The following NXPH2 variants were observed in gnomAD, a reference collection of about 807,000 sequenced individuals.
NXPH2 encodes the protein neurexophilin 2.
Under a neutral mutation model 19.8 loss-of-function variants are expected in NXPH2, and 5 were observed. The ratio of observed to expected loss-of-function variants is 0.25; its 90% CI spans 0.13 to 0.53. NXPH2 has a LOEUF of 0.53. Ranked by LOEUF, NXPH2 falls within the 20% of genes least tolerant of loss-of-function variation. The pLI is 0.96. For synonymous variants in NXPH2, 154 were observed against 127.4 expected (o/e 1.21, Z -1.41); for missense variants, 289 against 322.8 (o/e 0.90, Z 0.80).
At chr2:138,766,195 A>G (rs1682088477) in intron 1 of NXPH2, among the ~76,000 whole-genome samples, 1 of 152,254 alleles carries the variant, frequency 6.6e-6, no homozygotes, top group Non-Finnish European at 1.5e-5. Context: ...GAATAAAACC[A>G]AAGGAAATTT....
intron 1 of NXPH2, among the ~76,000 whole-genome samples, chr2:138,731,222 G>A (rs1299116274): frequency 6.6e-6 from 1 of 152,156 alleles, no homozygotes; most frequent in Non-Finnish European, 1.5e-5. Context: ...CTCATAATAA[G>A]AGGCTGTGGA....
chr2:138,777,479 T>A (rs1003560175), intron 1 of NXPH2, among the ~76,000 whole-genome samples: 1 of 152,142 alleles, frequency 6.6e-6, no homozygotes, highest in Non-Finnish European at 1.5e-5. Context: ...CTTCCTAGCC[T>A]ACTTGCAGTA....
chr2:138,736,842 A>AAAT (rs1476318927), intron 1 of NXPH2, among the ~76,000 whole-genome samples: 1 of 152,208 alleles, frequency 6.6e-6, no homozygotes, highest in Non-Finnish European at 1.5e-5. Context: ...CAGATAACCT[A>AAAT]AATCATCTCT....
chr2:138,726,000 C>T (rs189478201), intron 1 of NXPH2, among the ~76,000 whole-genome samples: 465 of 152,238 alleles, frequency 3.1e-3, no homozygotes, highest in Non-Finnish European at 3.9e-3. Context: ...CTTCAGCATT[C>T]ATAACACCTC....
chr2:138,749,362 A>C (rs1050315037), intron 1 of NXPH2, among the ~76,000 whole-genome samples: 11 of 152,130 alleles, frequency 7.2e-5, no homozygotes, highest in Non-Finnish European at 4.4e-5. Context: ...GCAGTGTGAG[A>C]ATGGACCAAC....
intron 1 of NXPH2, among the ~76,000 whole-genome samples, chr2:138,715,605 G>T (rs1681185552): frequency 1.3e-5 from 2 of 152,188 alleles, no homozygotes; most frequent in African/African-American, 4.8e-5. Flanking sequence ...GTGGACAGGT[G>T]GGTTTCCCAG....
At chr2:138,730,401 C>T (rs1046216481) in intron 1 of NXPH2, among the ~76,000 whole-genome samples, 3 of 151,952 alleles carry the variant, frequency 2.0e-5, no homozygotes, top group Non-Finnish European at 4.4e-5. Context: ...AATATAGTCA[C>T]ATTTTGAGGT....
chr2:138,673,209 G>A (rs1453384717), intron 1 of NXPH2, among the ~76,000 whole-genome samples: 1 of 152,008 alleles, frequency 6.6e-6, no homozygotes, highest in Non-Finnish European at 1.5e-5. Context: ...AAATCCATAT[G>A]GCCTCTTCTT....
At chr2:138,763,926 TTCATCCA>T (rs1682052848) in intron 1 of NXPH2, among the ~76,000 whole-genome samples, 2 of 152,176 alleles carry the variant, frequency 1.3e-5, no homozygotes, top group Admixed American at 6.5e-5. Context: ...AGTTCATTCA[TTCATCCA>T]TTCAAGCATT....
At chr2:138,726,775 C>G (rs1482606719) in intron 1 of NXPH2, among the ~76,000 whole-genome samples, 1 of 152,168 alleles carries the variant, frequency 6.6e-6, no homozygotes, top group Admixed American at 6.5e-5. Flanking sequence ...CCTACATTGA[C>G]ACATCATTAT....
chr2:138,677,171 C>T (rs1680496230), intron 1 of NXPH2, among the ~76,000 whole-genome samples: 1 of 152,194 alleles, frequency 6.6e-6, no homozygotes, highest in Admixed American at 6.5e-5. Context: ...CTGTATATTC[C>T]TGGTTACTTT....
intron 1 of NXPH2, among the ~76,000 whole-genome samples, chr2:138,754,647 C>T (rs1022937944): frequency 2.0e-5 from 3 of 152,130 alleles, no homozygotes; most frequent in Non-Finnish European, 2.9e-5. Flanking sequence ...CTGCTATAAA[C>T]ATTTGCATGC....
intron 1 of NXPH2, among the ~76,000 whole-genome samples, chr2:138,692,489 G>A (rs1377504518): frequency 6.6e-6 from 1 of 151,960 alleles, no homozygotes; most frequent in African/African-American, 2.4e-5. Context: ...ATCTGTCTTG[G>A]GTATTCACCA....
At chr2:138,702,507 G>A (rs1680940325) in intron 1 of NXPH2, among the ~76,000 whole-genome samples, 1 of 152,046 alleles carries the variant, frequency 6.6e-6, no homozygotes, top group Non-Finnish European at 1.5e-5. Flanking sequence ...CTCACCTCAT[G>A]GCTTCCACCC....
chr2:138,774,680 TAC>T (rs146126789), intron 1 of NXPH2, among the ~76,000 whole-genome samples: 1 of 152,274 alleles, frequency 6.6e-6, no homozygotes, highest in East Asian at 1.9e-4. Context: ...TGTGCACACA[TAC>T]ACACACACTC....
chr2:138,741,436 TAGA>T (rs2105006292), intron 1 of NXPH2, among the ~76,000 whole-genome samples: 1 of 152,296 alleles, frequency 6.6e-6, no homozygotes, highest in African/African-American at 2.4e-5. Context: ...TAGAGAATGC[TAGA>T]AAAACAGGAA....
At chr2:138,681,654 G>A (rs1159528020) in intron 1 of NXPH2, among the ~76,000 whole-genome samples, 1 of 152,194 alleles carries the variant, frequency 6.6e-6, no homozygotes, top group Non-Finnish European at 1.5e-5. Flanking sequence ...AGCAAGCCGG[G>A]AGAGAAAGTT....
chr2:138,696,212 C>T lies in NXPH2; in HGVS notation c.52-24547G>A, dbSNP rs577900349. Among the ~76,000 whole-genome samples the T allele has an allele frequency of 3.9e-5, 6 of 152,072 alleles. No individual in the cohort carries two copies. The South Asian group carries it at 1.3e-3, about 32-fold the overall frequency. On this transcript the variant is annotated intron_variant, in intron 1 of 1. Transcript: ENST00000272641. ...CTTAAAAAGTATGATACCCTTGAAC[C>T]CAGTGTACCATGTCTAGGAATTTAC...
At chr2:138,733,028 T>C (rs1443553281) in intron 1 of NXPH2, among the ~76,000 whole-genome samples, 1 of 152,246 alleles carries the variant, frequency 6.6e-6, no homozygotes, top group Non-Finnish European at 1.5e-5. Flanking sequence ...CTTGTTCTGT[T>C]TGACATGCAC....
Sources: gnomAD v4.1 joint callset for allele counts (sites outside exome capture counted in the v4.1 genomes callset) on GRCh38, gnomAD v4.1.1 for gene constraint, MANE v1.5 for transcripts, NCBI Gene and HGNC (gene_info 2026-07-23, HGNC 2026-07-21) for gene names.